CADM1: variants seen among roughly 807,000 people sequenced by gnomAD.
CADM1 encodes the protein TSLC-1.
In CADM1, 15 loss-of-function variants were observed where a neutral mutation model predicts 53.1. The ratio of observed to expected loss-of-function variants is 0.28; its 90% CI spans 0.19 to 0.44. The LOEUF (loss-of-function observed/expected upper bound fraction) is 0.44, where lower values mean the gene tolerates loss of function less well. Among genes scored for constraint, CADM1 ranks in the 20% least tolerant of loss-of-function variants. The pLI, the probability that CADM1 is intolerant of heterozygous loss-of-function variation, is 1.00. For missense variants in CADM1, 434 were observed against 611.3 expected (o/e 0.71, Z 3.06); for synonymous variants, 281 against 243.0 (o/e 1.16, Z -1.45).
chr11:115,472,958 G>C (rs1386153035), intron 1 of CADM1, among the ~76,000 whole-genome samples: 1 of 152,036 alleles, frequency 6.6e-6, no homozygotes, highest in East Asian at 1.9e-4. Flanking sequence ...AAACCATACT[G>C]TTCAGTTTCT....
chr11:115,415,276 C>G (rs1197422887), intron 1 of CADM1, among the ~76,000 whole-genome samples: 3 of 147,424 alleles, frequency 2.0e-5, no homozygotes, highest in African/African-American at 7.6e-5. Flanking sequence ...AATGGCTAAC[C>G]AAATGTTGGC....
intron 1 of CADM1, among the ~76,000 whole-genome samples, chr11:115,415,004 C>T (rs781274239): frequency 2.0e-5 from 3 of 152,098 alleles, no homozygotes; most frequent in Non-Finnish European, 4.4e-5. Context: ...AAAGGATCTA[C>T]GACTTTAGAC....
chr11:115,224,555 T>A lies in CADM1; in HGVS notation c.721+4558A>T, dbSNP rs544367456. 2.6e-3 allele frequency among the ~76,000 whole-genome samples: 390 copies of A among 152,214 alleles called. 6 individuals are homozygous for A. Among genetic ancestry groups the A allele is most frequent in the Non-Finnish European group, 2.3e-3 (157 of 68,004 alleles). On this transcript the variant is annotated intron_variant, in intron 5 of 11. Transcript: ENST00000331581. Reference sequence around the variant, plus strand: ...ACACAAAACCCTCAAAAAATGAGGATTTTTGCCAAACATTTTAAAGAGCAA... The same window carrying A: ...ACACAAAACCCTCAAAAAATGAGGAATTTTGCCAAACATTTTAAAGAGCAA...
At chr11:115,202,313 A>ATTGAGTGT (rs1940470377) in intron 8 of CADM1, among the ~76,000 whole-genome samples, 1 of 152,202 alleles carries the variant, frequency 6.6e-6, no homozygotes, top group African/African-American at 2.4e-5. Flanking sequence ...AGAATTGTTC[A>ATTGAGTGT]TTGAGTGTGA....
intron 3 of CADM1, among the ~76,000 whole-genome samples, chr11:115,236,734 G>A (rs989330637): frequency 4.0e-5 from 6 of 151,774 alleles, no homozygotes; most frequent in Non-Finnish European, 8.8e-5. Context: ...AAAGATGTGT[G>A]CCTTTAGGAA....
rs1237304993 is a variant in CADM1, at chr11:115,404,098, G to A, written c.124+100173C>T. ...CCCAACACCCTGGGAGGCTGAGGCG[G>A]GCAGATCACTTGAGGTCAGATGTTC... On this transcript the variant is annotated intron_variant, in intron 1 of 11. Transcript: ENST00000331581. 2.7e-5 allele frequency among the ~76,000 whole-genome samples: 4 copies of A among 149,298 alleles called. No homozygotes were observed. The East Asian group carries it at 8.0e-4, about 30-fold the overall frequency.
In CADM1 at chr11:115,175,375, G is replaced by GAA. The variant is rs56789298; in HGVS notation, c.*1097_*1098dup. Reference sequence around the variant, plus strand: ...ACTGCCTTCCTAACTAAGCACAAAGGAAAAAAAAAAAAAAATCAACTCTGT... The same window carrying GAA: ...ACTGCCTTCCTAACTAAGCACAAAGGAAAAAAAAAAAAAAAAATCAACTCTGT... On this transcript the variant is annotated 3_prime_UTR_variant, in exon 12 of 12. Transcript: ENST00000331581. The GAA allele has an allele frequency of 1.9e-3, 1,695 of 911,038 alleles. No individual in the cohort carries two copies. Among genetic ancestry groups the GAA allele is most frequent in the Middle Eastern group, 3.9e-3 (7 of 1,790 alleles). The allele number at this position is 911,038 out of a possible 1,614,324, so 56.4% of individuals were successfully genotyped here.
intron 10 of CADM1, among the ~76,000 whole-genome samples, chr11:115,183,762 A>G (rs1003773510): frequency 6.6e-6 from 1 of 152,228 alleles, no homozygotes; most frequent in African/African-American, 2.4e-5. Flanking sequence ...GCTTAAACGC[A>G]CACTTTAACT....
At chr11:115,352,018 T>TAG (rs1459195920) in intron 1 of CADM1, among the ~76,000 whole-genome samples, 4 of 152,208 alleles carry the variant, frequency 2.6e-5, no homozygotes, top group African/African-American at 9.7e-5. Flanking sequence ...CCAAAAGTCA[T>TAG]AGACTGCTTT....
chr11:115,485,833 C>T (rs1252663949), intron 1 of CADM1, among the ~76,000 whole-genome samples: 1 of 152,224 alleles, frequency 6.6e-6, no homozygotes, highest in Non-Finnish European at 1.5e-5. Context: ...TCTGTATCTG[C>T]AGCGCTGCTC....
chr11:115,472,219 G>C (rs1209607478), intron 1 of CADM1, among the ~76,000 whole-genome samples: 1 of 152,210 alleles, frequency 6.6e-6, no homozygotes, highest in Non-Finnish European at 1.5e-5. Context: ...AATATCAAAA[G>C]GTCATCCTAG....
chr11:115,503,558 G>A (rs1286730009), intron 1 of CADM1, among the ~76,000 whole-genome samples: 1 of 152,044 alleles, frequency 6.6e-6, no homozygotes, highest in Non-Finnish European at 1.5e-5. Flanking sequence ...GGCGACAGCG[G>A]CCGCCCCCCC....
chr11:115,279,572 A>C (rs1943532442), intron 1 of CADM1, among the ~76,000 whole-genome samples: 1 of 152,230 alleles, frequency 6.6e-6, no homozygotes, highest in Non-Finnish European at 1.5e-5. Flanking sequence ...TACAAGTTAT[A>C]GGTGAAAACT....
intron 1 of CADM1, among the ~76,000 whole-genome samples, chr11:115,354,745 G>A (rs10732854): frequency 0.77 from 117,040 of 152,032 alleles, 45,242 homozygotes; most frequent in Admixed American, 0.81. Flanking sequence ...AATAACTAGA[G>A]GTTTTCAAAT....
At chr11:115,463,258 A>C (rs1353841991) in intron 1 of CADM1, among the ~76,000 whole-genome samples, 1 of 152,186 alleles carries the variant, frequency 6.6e-6, no homozygotes, top group East Asian at 1.9e-4. Context: ...GACACCTCTG[A>C]CCACAGCCCT....
chr11:115,290,511 G>A (rs1943861672), intron 1 of CADM1, among the ~76,000 whole-genome samples: 1 of 152,128 alleles, frequency 6.6e-6, no homozygotes, highest in African/African-American at 2.4e-5. Flanking sequence ...CTGTACACAG[G>A]AAAAGAATGA....
rs1265784006 is a variant in CADM1, at chr11:115,171,889, G to A, written c.*4585C>T. 6.6e-6 allele frequency: 1 copy of A among 152,246 alleles called. No individual in the cohort carries two copies. Among genetic ancestry groups the A allele is most frequent in the Non-Finnish European group, 1.5e-5 (1 of 68,054 alleles). The allele number at this position is 152,246 out of a possible 1,614,324, so 9.4% of individuals were successfully genotyped here. On this transcript the variant is annotated 3_prime_UTR_variant, in exon 12 of 12. Transcript: ENST00000331581. ...CAAGGGCATGATGTGTCTATATGCAGAGGAGCCCTCAGAGCTCCCTCTGAG... is the reference window on the plus strand; with the variant it reads ...CAAGGGCATGATGTGTCTATATGCAAAGGAGCCCTCAGAGCTCCCTCTGAG...
chr11:115,217,430 G>C (rs1442927350), intron 6 of CADM1, among the ~76,000 whole-genome samples: 1 of 152,122 alleles, frequency 6.6e-6, no homozygotes, highest in Non-Finnish European at 1.5e-5. Context: ...ACTTTTCTTT[G>C]AGGGAAGAAG....
intron 5 of CADM1, among the ~76,000 whole-genome samples, chr11:115,221,729 G>T (rs952653014): frequency 2.6e-5 from 4 of 152,092 alleles, no homozygotes; most frequent in Admixed American, 1.3e-4. Context: ...TCAGGTCTTT[G>T]CATTCCTTTA....
Sources: gnomAD v4.1 joint callset for allele counts (sites outside exome capture counted in the v4.1 genomes callset) on GRCh38, gnomAD v4.1.1 for gene constraint, MANE v1.5 for transcripts, NCBI Gene and HGNC (gene_info 2026-07-23, HGNC 2026-07-21) for gene names.